ATP10B: variants seen among roughly 807,000 people sequenced by gnomAD.
ATP10B encodes the protein ATPase phospholipid transporting 10B (putative).
In ATP10B, 122 loss-of-function variants were observed where a neutral mutation model predicts 141.2. That is an observed-to-expected ratio of 0.86 (90% CI 0.75 to 1.00). The LOEUF (loss-of-function observed/expected upper bound fraction) is 1.00, where lower values mean the gene tolerates loss of function less well. Ranked by LOEUF, ATP10B falls within the 50% of genes least tolerant of loss-of-function variation. The pLI, the probability that ATP10B is intolerant of heterozygous loss-of-function variation, is 0.00. For synonymous variants in ATP10B, 685 were observed against 692.0 expected (o/e 0.99, Z 0.16); for missense variants, 1,876 against 1,825.3 (o/e 1.03, Z -0.51).
chr5:160,720,560 C>G (rs1017979203), intron 2 of ATP10B, among the ~76,000 whole-genome samples: 82 of 152,336 alleles, frequency 5.4e-4, no homozygotes, highest in African/African-American at 1.9e-3. Flanking sequence ...AGGCGTTGGC[C>G]AAGAAATCTT....
At chr5:160,907,188 T>C in the ATP10B span, among the ~76,000 whole-genome samples, 4 of 152,190 alleles carry the variant, frequency 2.6e-5, no homozygotes, top group African/African-American at 9.7e-5. Flanking sequence ...TCGGCCTTCA[T>C]GCAGGTTCAA....
chr5:160,863,497 C>T, the ATP10B span, among the ~76,000 whole-genome samples: 3 of 152,056 alleles, frequency 2.0e-5, no homozygotes, highest in African/African-American at 7.2e-5. Flanking sequence ...TAAATGCCCA[C>T]ACCAAAAAGT....
Position 160,622,492 on chromosome 5 carries a change from C to T in ATP10B, c.1714G>A (p.Ala572Thr). The T allele has an allele frequency of 6.2e-7, 1 of 1,614,120 alleles. No homozygotes were observed. Among genetic ancestry groups the T allele is most frequent in the Non-Finnish European group, 8.5e-7 (1 of 1,180,020 alleles). ...ETLSDSRPAK[A>T]SLSTTSSIAD... is the part of the protein sequence containing the mutation. ...ATGGAGGAGGTGGTGGAGAGGGAAG[C>T]CTTGGCAGGTCTGCTGTCTGACAAG... Residue 572 changes from alanine (A) to threonine (T), a missense_variant, in exon 14 of 26, where the codon GCT (alanine) becomes ACT (threonine). Ala to Thr is a moderately conservative substitution (Grantham distance 58, BLOSUM62 0). Transcript: ENST00000327245.
intron 13 of ATP10B, among the ~76,000 whole-genome samples, chr5:160,628,691 G>C: frequency 6.6e-6 from 1 of 152,260 alleles, no homozygotes; most frequent in South Asian, 2.1e-4. Flanking sequence ...AAGATATTCT[G>C]TGGTCTGATG....
At chr5:160,884,559 C>T in the ATP10B span, among the ~76,000 whole-genome samples, 2 of 152,156 alleles carry the variant, frequency 1.3e-5, no homozygotes, top group Non-Finnish European at 2.9e-5. Context: ...CTCTAATCTC[C>T]CTAATCTCCC....
intron 1 of ATP10B, among the ~76,000 whole-genome samples, chr5:160,816,643 C>T (rs1773657496): frequency 6.6e-6 from 1 of 152,196 alleles, no homozygotes; most frequent in South Asian, 2.1e-4. Flanking sequence ...TCCTCCCTAA[C>T]TCATTTTATG....
intron 2 of ATP10B, among the ~76,000 whole-genome samples, chr5:160,761,334 T>A (rs1329362275): frequency 6.6e-6 from 1 of 152,156 alleles, no homozygotes; most frequent in Non-Finnish European, 1.5e-5. Context: ...GGTGCTGGTA[T>A]CCATGGCTGG....
At chr5:160,757,881 T>TG (rs1768746866) in intron 2 of ATP10B, among the ~76,000 whole-genome samples, 1 of 152,108 alleles carries the variant, frequency 6.6e-6, no homozygotes. Context: ...CATTGTAGGG[T>TG]GGTTAGCAGC....
At chr5:160,758,764 G>A (rs1262497459) in intron 2 of ATP10B, among the ~76,000 whole-genome samples, 2 of 152,158 alleles carry the variant, frequency 1.3e-5, no homozygotes, top group African/African-American at 4.8e-5. Flanking sequence ...TTTGGAACAT[G>A]GGAGTCAAGA....
intron 1 of ATP10B, among the ~76,000 whole-genome samples, chr5:160,846,512 C>T (rs781069625): frequency 4.6e-5 from 7 of 152,160 alleles, no homozygotes; most frequent in Non-Finnish European, 7.3e-5. Context: ...AGCTTCTGAT[C>T]GCCAAGCTAG....
the ATP10B span, among the ~76,000 whole-genome samples, chr5:160,859,293 C>T: frequency 0.9 from 137,163 of 151,852 alleles, 63,130 homozygotes; most frequent in Non-Finnish European, 1. Context: ...CCTTCTGGCC[C>T]CCATGATTTT....
At chr5:160,604,832 G>T (rs1220020681) in intron 19 of ATP10B, among the ~76,000 whole-genome samples, 1 of 152,158 alleles carries the variant, frequency 6.6e-6, no homozygotes, top group Non-Finnish European at 1.5e-5. Flanking sequence ...AGCCACATGT[G>T]TCTATGGAAA....
intron 2 of ATP10B, 71 bp downstream of exon 2, chr5:160,785,488 C>T: frequency 2.5e-6 from 1 of 400,934 alleles, no homozygotes; most frequent in Non-Finnish European, 4.9e-6. Context: ...AAGTTTATTT[C>T]ATGGGTATAC....
chr5:160,807,320 T>C (rs1238539477), intron 1 of ATP10B, among the ~76,000 whole-genome samples: 1 of 152,208 alleles, frequency 6.6e-6, no homozygotes, highest in Non-Finnish European at 1.5e-5. Flanking sequence ...TAAACCATTT[T>C]TTTTGGCTTT....
chr5:160,738,565 T>C (rs927769330), intron 2 of ATP10B, among the ~76,000 whole-genome samples: 1 of 152,098 alleles, frequency 6.6e-6, no homozygotes, highest in African/African-American at 2.4e-5. Flanking sequence ...CCAAGCACTA[T>C]CTATTCTACA....
chr5:160,669,794 G>T (rs1266280597), intron 7 of ATP10B, among the ~76,000 whole-genome samples: 3 of 150,798 alleles, frequency 2.0e-5, no homozygotes, highest in African/African-American at 7.3e-5. Flanking sequence ...TAGAGACAGG[G>T]TTTCACCATG....
At chr5:160,734,685 A>T (rs964570072) in intron 2 of ATP10B, among the ~76,000 whole-genome samples, 1 of 152,052 alleles carries the variant, frequency 6.6e-6, no homozygotes, top group African/African-American at 2.4e-5. Context: ...AACAACAACT[A>T]CTCAATAAAA....
At position 160,658,374 on chromosome 5, in the gene ATP10B, C is replaced by A. The variant is rs548619340; in HGVS notation, c.676-9118G>T. Among the ~76,000 whole-genome samples the A allele has an allele frequency of 2.0e-5, 3 of 152,242 alleles. No individual in the cohort carries two copies. The East Asian group carries it at 5.8e-4, about 29-fold the overall frequency. Reference sequence around the variant, plus strand: ...TTGGGAAGAGGAATAACACTAGGGACTATAGGAGAGAGACAGAGGGTATTA... The same window carrying A: ...TTGGGAAGAGGAATAACACTAGGGAATATAGGAGAGAGACAGAGGGTATTA... On this transcript the variant is annotated intron_variant, in intron 7 of 25. Transcript: ENST00000327245.
At chr5:160,908,232 C>A in the ATP10B span, among the ~76,000 whole-genome samples, 314 of 152,216 alleles carry the variant, frequency 2.1e-3, 4 homozygotes, top group African/African-American at 7.2e-3. Context: ...AGAAATGACC[C>A]TTTTTGAGCC....
Sources: gnomAD v4.1 joint callset for allele counts (sites outside exome capture counted in the v4.1 genomes callset) on GRCh38, gnomAD v4.1.1 for gene constraint, MANE v1.5 for transcripts, NCBI Gene and HGNC (gene_info 2026-07-23, HGNC 2026-07-21) for gene names.